MTHFD1: variants seen among roughly 807,000 people sequenced by gnomAD.
MTHFD1 encodes the protein methylenetetrahydrofolate dehydrogenase, cyclohydrolase and formyltetrahydrofolate synthetase 1.
In MTHFD1, 44 loss-of-function variants were observed where a neutral mutation model predicts 110.3. The ratio of observed to expected loss-of-function variants is 0.40; its 90% confidence interval spans 0.31 to 0.51. The LOEUF is 0.51. MTHFD1 is among the 20% of genes least tolerant of loss of function. MTHFD1 has a pLI of 0.60. For missense variants in MTHFD1, 909 were observed against 1,173.1 expected (o/e 0.77, Z 3.29); for synonymous variants, 402 against 428.8 (o/e 0.94, Z 0.77).
Position 64,427,238 on chromosome 14 carries a change from T to C in MTHFD1, c.1128-99T>C. The C allele has an allele frequency of 2.2e-6, 3 of 1,378,542 alleles. No individual in the cohort carries two copies. The South Asian group carries it at 3.6e-5, about 17-fold the overall frequency. 85.4% of individuals were successfully genotyped at this position (1,378,542 alleles called of 1,614,324 possible). A position where few individuals can be genotyped will look rare whatever the true frequency, so the allele number is the denominator to read the frequency against. On this transcript the variant is annotated intron_variant, in intron 11 of 27. Transcript: ENST00000652337. The stretch of plus-strand genomic sequence containing the variant: ...GCCTGACTTTGTCTTTCTTAATCTT[T>C]AGATTACGAGTCATTCTCTAGGATC...
Position 64,411,162 on chromosome 14 carries a change from G to T in MTHFD1, c.186+13G>T. On this transcript the variant is annotated intron_variant, in intron 3 of 27. Transcript: ENST00000652337. ...GGCTGCTGAAGAGGTAACGCCAGAAGAGCTGTGCCATCACCCTCCCCAACC... is the reference window on the plus strand; with the variant it reads ...GGCTGCTGAAGAGGTAACGCCAGAATAGCTGTGCCATCACCCTCCCCAACC... 6.2e-7 allele frequency: 1 copy of T among 1,608,998 alleles called. No homozygotes were observed. The highest frequency in any genetic ancestry group is 8.5e-7 in the Non-Finnish European group (1 of 1,176,798).
In MTHFD1 at chr14:64,425,751, C is replaced by T. The variant is rs763058728; in HGVS notation, c.877C>T (p.Arg293Cys). Residue 293 changes from arginine (R) to cysteine (C), a missense_variant, in exon 10 of 28, where the codon CGT becomes TGT. By Grantham distance (180) the Arg-to-Cys change is radical. This residue lies in a region of MTHFD1 where 424 missense variants were observed against 510.4 expected (regional missense o/e 0.83). Coordinates refer to ENST00000652337, the MANE Select transcript of MTHFD1 (RefSeq NM_005956.4). ...TTAGAGCACAGTAGAGAGTGCCAAGCGTTTCCTGGAGAAATTTAAGCCAGG... is the reference window on the plus strand; with the variant it reads ...TTAGAGCACAGTAGAGAGTGCCAAGTGTTTCCTGGAGAAATTTAAGCCAGG... ...LMQSTVESAK[R>C]FLEKFKPGKW... 3.8e-5 allele frequency: 61 copies of T among 1,612,702 alleles called. No individual in the cohort carries two copies. Among genetic ancestry groups the T allele is most frequent in the Non-Finnish European group, 4.9e-5 (58 of 1,179,870 alleles).
At chr14:64,441,501 AGC>A in intron 19 of MTHFD1, 48 bp downstream of exon 19, 2 of 1,585,820 alleles carry the variant, frequency 1.3e-6, no homozygotes, top group South Asian at 2.2e-5. Flanking sequence ...GGACAGTCAG[AGC>A]AGAGTGGTTA....
intron 22 of MTHFD1, among the ~76,000 whole-genome samples, chr14:64,446,216 C>T (rs111444824): frequency 0.025 from 3,747 of 152,186 alleles, 53 homozygotes; most frequent in Middle Eastern, 0.054. Context: ...GCATATTTCT[C>T]GACATTTAAA....
chr14:64,442,921 A>G (rs2078259918), intron 21 of MTHFD1, among the ~76,000 whole-genome samples: 1 of 152,128 alleles, frequency 6.6e-6, no homozygotes, highest in Non-Finnish European at 1.5e-5. Context: ...AGACTGGCTC[A>G]TCCTCACCTC....
chr14:64,395,344 C>G (rs2077839001), intron 1 of MTHFD1, among the ~76,000 whole-genome samples: 1 of 152,184 alleles, frequency 6.6e-6, no homozygotes, highest in South Asian at 2.1e-4. Flanking sequence ...AAGATGTGAA[C>G]AGTTTAGCAA....
intron 7 of MTHFD1, among the ~76,000 whole-genome samples, chr14:64,419,018 G>A (rs1386928350): frequency 6.6e-6 from 1 of 152,010 alleles, no homozygotes; most frequent in Non-Finnish European, 1.5e-5. Flanking sequence ...CACCATGCCT[G>A]GCTAATTTTT....
At chr14:64,434,955 T>TC (rs1488930243) in intron 15 of MTHFD1, among the ~76,000 whole-genome samples, 7 of 121,034 alleles carry the variant, frequency 5.8e-5, no homozygotes, top group South Asian at 2.8e-4. Context: ...TTTTCTTTTT[T>TC]TTTTTTTTTT....
chr14:64,389,385 A>G (rs979041692), intron 1 of MTHFD1, among the ~76,000 whole-genome samples: 6 of 152,164 alleles, frequency 3.9e-5, no homozygotes, highest in African/African-American at 1.4e-4. Context: ...TAACTTTGTA[A>G]TAGGTTTTTG....
rs773934453 is a variant in MTHFD1, at chr14:64,424,887, G to C, written c.811G>C (p.Val271Leu). Residue 271 changes from valine (V) to leucine (L), a missense_variant, in exon 9 of 28, where the codon GTT becomes CTT. This residue lies in a region of MTHFD1 where 424 missense variants were observed against 510.4 expected (regional missense o/e 0.83). Coordinates refer to ENST00000652337, the MANE Select transcript of MTHFD1 (RefSeq NM_005956.4). ...AKERASFITP[V>L]PGGVGPMTVA... is the part of the protein sequence containing the mutation. ...AGAGAGGGCGAGCTTCATCACTCCTGTTCCTGGCGGCGTAGGGCCCATGAC... is the reference window on the plus strand; with the variant it reads ...AGAGAGGGCGAGCTTCATCACTCCTCTTCCTGGCGGCGTAGGGCCCATGAC... 1.2e-6 allele frequency: 2 copies of C among 1,614,234 alleles called. No homozygotes were observed. Among genetic ancestry groups the C allele is most frequent in the Non-Finnish European group, 8.5e-7 (1 of 1,180,050 alleles).
At chr14:64,415,920 A>G (rs764951104) in intron 6 of MTHFD1, among the ~76,000 whole-genome samples, 181 bp downstream of exon 6, 1 of 152,216 alleles carries the variant, frequency 6.6e-6, no homozygotes, top group Non-Finnish European at 1.5e-5. Context: ...TCTGTGAAGT[A>G]GGTACTGTTA....
chr14:64,430,280 G>A (rs201067588), intron 13 of MTHFD1, 50 bp downstream of exon 13: 2 of 1,547,838 alleles, frequency 1.3e-6, no homozygotes, highest in South Asian at 1.1e-5. Flanking sequence ...TTTTTGTCGG[G>A]GGGGAGGGTG....
At chr14:64,419,584 G>C (rs1024740256) in intron 7 of MTHFD1, among the ~76,000 whole-genome samples, 2 of 152,202 alleles carry the variant, frequency 1.3e-5, no homozygotes, top group African/African-American at 4.8e-5. Flanking sequence ...TGGGTAAAAT[G>C]GCTGGTGAAA....
At position 64,441,699 on chromosome 14, in the gene MTHFD1, G is replaced by T. The variant is rs1022582274; in HGVS notation, c.1884+246G>T. On this transcript the variant is annotated intron_variant, in intron 19 of 27. Coordinates refer to ENST00000652337, the MANE Select transcript of MTHFD1 (RefSeq NM_005956.4). The stretch of plus-strand genomic sequence containing the variant: ...CGGGCGCCTGTAGTCCCAGCTGCTC[G>T]GAAGGTTGAGGCAGAATGGCGTGAA... The T allele has an allele frequency of 5.4e-6, 3 of 554,666 alleles. No homozygotes were observed. In the East Asian group the frequency reaches 1.0e-4, roughly 18 times the overall value. The allele number at this position is 554,666 out of a possible 1,614,324, so 34.4% of individuals were successfully genotyped here.
At chr14:64,405,308 G>T (rs1354327140) in intron 2 of MTHFD1, among the ~76,000 whole-genome samples, 1 of 151,980 alleles carries the variant, frequency 6.6e-6, no homozygotes, top group Non-Finnish European at 1.5e-5. Flanking sequence ...TTCCAACCTT[G>T]TTTTTTAAAT....
At chr14:64,414,017 A>T in intron 4 of MTHFD1, among the ~76,000 whole-genome samples, 1 of 151,932 alleles carries the variant, frequency 6.6e-6, no homozygotes, top group East Asian at 1.9e-4. Flanking sequence ...TTTTTGAGGC[A>T]GAGTTTTACT....
At chr14:64,388,617 G>C (rs892142761) in intron 1 of MTHFD1, 149 bp downstream of exon 1, 1 of 765,884 alleles carries the variant, frequency 1.3e-6, no homozygotes, top group Middle Eastern at 3.5e-4. Context: ...CAAAGAAAGA[G>C]AACCCGGGCA....
At chr14:64,428,555 CTTTTTT>C (rs34456417) in intron 12 of MTHFD1, among the ~76,000 whole-genome samples, 1 of 133,910 alleles carries the variant, frequency 7.5e-6, no homozygotes, top group Non-Finnish European at 1.6e-5. Flanking sequence ...ACCCTTCCAC[CTTTTTT>C]TTTTTTTTTG....
rs1475685117 is a variant in MTHFD1, at chr14:64,433,501, T to C, written c.1494+1640T>C. ...GGTGCAATCACATCTTACTACAGCC[T>C]CAACCTCCAGGACTCAAGTGATTCT... On this transcript the variant is annotated intron_variant, in intron 15 of 27. Transcript: ENST00000652337. Among the ~76,000 whole-genome samples, 7 of 152,182 alleles carry C rather than the reference T, an allele frequency of 4.6e-5. No homozygotes were observed. The East Asian group carries it at 1.2e-3, about 25-fold the overall frequency.
Sources: gnomAD v4.1 joint callset for allele counts (sites outside exome capture counted in the v4.1 genomes callset) on GRCh38, gnomAD v4.1.1 for gene constraint, gnomAD v4.1.1 regional missense constraint, MANE v1.5 for transcripts, NCBI Gene and HGNC (gene_info 2026-07-23, HGNC 2026-07-21) for gene names.